ADAM2: variants seen among roughly 807,000 people sequenced by gnomAD.
ADAM2 encodes the protein disintegrin and metalloproteinase domain-containing protein 2.
Under a neutral mutation model 99.3 loss-of-function variants are expected in ADAM2, and 101 were observed. The ratio of observed to expected loss-of-function variants is 1.02; its 90% CI spans 0.87 to 1.20. The LOEUF (loss-of-function observed/expected upper bound fraction) is 1.20. Among genes scored for constraint, ADAM2 ranks in the 50% most tolerant of loss-of-function variants. The probability of loss-of-function intolerance (pLI) is 0.00; values close to 1 mark genes in which losing one functional copy is unlikely to be tolerated. For synonymous variants in ADAM2, 323 were observed against 287.6 expected (o/e 1.12, Z -1.25); for missense variants, 948 against 878.7 (o/e 1.08, Z -1.00).
intron 7 of ADAM2, among the ~76,000 whole-genome samples, chr8:39,800,824 A>G (rs187101693): frequency 6.6e-6 from 1 of 152,038 alleles, no homozygotes; most frequent in Non-Finnish European, 1.5e-5. Context: ...TCAGCTGTTG[A>G]TACTTGTGTA....
chr8:39,834,079 T>C (rs1479020978), intron 2 of ADAM2, 80 bp from the exon 3 acceptor site: 1 of 741,374 alleles, frequency 1.3e-6, no homozygotes, highest in Non-Finnish European at 2.3e-6. Flanking sequence ...ACATTAATGA[T>C]AATTGCATTC....
chr8:39,782,695 A>G (rs997694570), intron 10 of ADAM2, among the ~76,000 whole-genome samples: 2 of 152,116 alleles, frequency 1.3e-5, no homozygotes, highest in African/African-American at 4.8e-5. Flanking sequence ...TAATGTCTAT[A>G]TGATCTGTGG....
At chr8:39,837,541 C>T (rs1391460611) in intron 1 of ADAM2, among the ~76,000 whole-genome samples, 1 of 152,086 alleles carries the variant, frequency 6.6e-6, no homozygotes, top group Non-Finnish European at 1.5e-5. Context: ...CACGCACTAC[C>T]ACCCCCAGCT....
intron 10 of ADAM2, 40 bp from the exon 11 acceptor site, chr8:39,777,201 T>A (rs1005196229): frequency 1.3e-6 from 2 of 1,531,416 alleles, no homozygotes; most frequent in South Asian, 1.2e-5. Context: ...TGGGAGATTA[T>A]TTTGTTTACT....
At chr8:39,796,326 A>G (rs1803944074) in intron 7 of ADAM2, among the ~76,000 whole-genome samples, 1 of 152,172 alleles carries the variant, frequency 6.6e-6, no homozygotes, top group Non-Finnish European at 1.5e-5. Context: ...TTGGCTGAGG[A>G]TGATGGCTTC....
intron 7 of ADAM2, among the ~76,000 whole-genome samples, chr8:39,804,801 A>G (rs747012225): frequency 6.6e-5 from 10 of 152,180 alleles, no homozygotes; most frequent in African/African-American, 9.6e-5. Context: ...TTCTGAATGC[A>G]TGGTATTTTG....
At position 39,788,255 on chromosome 8, in the gene ADAM2, A is replaced by T. The variant is rs747472132; in HGVS notation, c.643-4T>A. The T allele has an allele frequency of 3.3e-6, 5 of 1,493,562 alleles. No individual in the cohort carries two copies. In the African/African-American group the frequency reaches 7.1e-5, roughly 21 times the overall value. The allele number at this position is 1,493,562 out of a possible 1,614,324, so 92.5% of individuals were successfully genotyped here. ...TAATATTAAATGAAACAAAAATCTAAAATAGAAAACATACAAAAGTGTGCT... is the reference window on the plus strand; with the variant it reads ...TAATATTAAATGAAACAAAAATCTATAATAGAAAACATACAAAAGTGTGCT... On this transcript the variant is annotated splice_polypyrimidine_tract_variant and splice_region_variant and intron_variant, in intron 8 of 20. Coordinates refer to ENST00000265708, the MANE Select transcript of ADAM2 (RefSeq NM_001464.5).
intron 18 of ADAM2, among the ~76,000 whole-genome samples, chr8:39,749,079 T>A (rs1482158983): frequency 6.6e-6 from 1 of 152,078 alleles, no homozygotes; most frequent in Non-Finnish European, 1.5e-5. Context: ...AAGACTAAAG[T>A]GATTTCTGTC....
intron 2 of ADAM2, among the ~76,000 whole-genome samples, chr8:39,834,629 G>C (rs987263261): frequency 6.6e-6 from 1 of 150,562 alleles, no homozygotes; most frequent in African/African-American, 2.4e-5. Context: ...AGATACTGGG[G>C]AGGCCGAGAC....
At chr8:39,820,273 T>C (rs901475628) in intron 6 of ADAM2, among the ~76,000 whole-genome samples, 3 of 152,188 alleles carry the variant, frequency 2.0e-5, no homozygotes, top group African/African-American at 7.2e-5. Flanking sequence ...AAAGCTTCTT[T>C]GTGTGTCTTG....
chr8:39,788,167 C>T lies in ADAM2; in HGVS notation c.727G>A (p.Ala243Thr), dbSNP rs138748616. Reference sequence around the variant, plus strand: ...AAAAATGTGTGTAATAACTCATTAGCTTCTCCAGTGGTTGCAATTTTATTT... The same window carrying T: ...AAAAATGTGTGTAATAACTCATTAGTTTCTCCAGTGGTTGCAATTTTATTT... The part of the protein sequence containing the change: ...DENKIATTGE[A>T]NELLHTFLRW... Residue 243 changes from alanine to threonine, a missense_variant, in exon 9 of 21, where the codon GCT becomes ACT. Physicochemically the swap from Ala to Thr is moderately conservative, Grantham distance 58 (BLOSUM62 0). Coordinates refer to ENST00000265708, the MANE Select transcript of ADAM2 (RefSeq NM_001464.5). 5 of 1,587,862 alleles carry T rather than the reference C, an allele frequency of 3.1e-6. No homozygotes were observed. The highest frequency in any genetic ancestry group is 4.3e-6 in the Non-Finnish European group (5 of 1,165,082).
In ADAM2 at chr8:39,809,370, GCAAATATTAAGGGACATAAATAAATCA is replaced by G; in HGVS notation, c.570+13_570+39del. On this transcript the variant is annotated intron_variant, in intron 7 of 20. Coordinates refer to ENST00000265708, the MANE Select transcript of ADAM2 (RefSeq NM_001464.5). ...CAAATTATTATTACAATCCCTCATT[GCAAATATTAAGGGACATAAATAAATCA>G]GAATATACTTACCAATTGTTTTTCA... 1 of 799,134 alleles carries G rather than the reference GCAAATATTAAGGGACATAAATAAATCA, an allele frequency of 1.3e-6. No individual in the cohort carries two copies. The highest frequency in any genetic ancestry group is 2.1e-6 in the Non-Finnish European group (1 of 481,566). The allele number at this position is 799,134 out of a possible 1,614,324, so 49.5% of individuals were successfully genotyped here.
At chr8:39,760,001 G>A (rs1802288102) in intron 15 of ADAM2, among the ~76,000 whole-genome samples, 1 of 152,042 alleles carries the variant, frequency 6.6e-6, no homozygotes, top group Admixed American at 6.6e-5. Context: ...CGAGTAGCTG[G>A]GATTACAGGC....
chr8:39,808,538 A>G (rs376992770), intron 7 of ADAM2, among the ~76,000 whole-genome samples: 1 of 152,212 alleles, frequency 6.6e-6, no homozygotes, highest in Non-Finnish European at 1.5e-5. Flanking sequence ...CTATCAAAAT[A>G]TAATCATCCT....
chr8:39,761,814 G>A (rs1182601173), intron 14 of ADAM2, among the ~76,000 whole-genome samples: 1 of 152,152 alleles, frequency 6.6e-6, no homozygotes, highest in Non-Finnish European at 1.5e-5. Flanking sequence ...GGGCGCGGTG[G>A]TTCATGCCTG....
chr8:39,784,297 T>A (rs1803364201), intron 10 of ADAM2, among the ~76,000 whole-genome samples: 1 of 152,192 alleles, frequency 6.6e-6, no homozygotes, highest in Non-Finnish European at 1.5e-5. Context: ...AAAGAGACCA[T>A]TTTTCTCTGC....
chr8:39,764,646 G>A (rs138082911), intron 14 of ADAM2, among the ~76,000 whole-genome samples: 3 of 152,284 alleles, frequency 2.0e-5, no homozygotes, highest in Non-Finnish European at 4.4e-5. Flanking sequence ...TTGGAAGCTG[G>A]TGCTATTAGT....
chr8:39,821,667 A>G lies in ADAM2; in HGVS notation c.268-5T>C. 1 of 1,575,426 alleles carries G rather than the reference A, an allele frequency of 6.3e-7. No individual in the cohort carries two copies. ...CCCTTGGTAGTGGCAGAAATTCTGAAAGATAAAATACACATATCTCCATTA... is the reference window on the plus strand; with the variant it reads ...CCCTTGGTAGTGGCAGAAATTCTGAGAGATAAAATACACATATCTCCATTA... On this transcript the variant is annotated splice_region_variant and splice_polypyrimidine_tract_variant and intron_variant, in intron 4 of 20. Coordinates refer to ENST00000265708, the MANE Select transcript of ADAM2 (RefSeq NM_001464.5).
At chr8:39,777,855 C>A (rs1293741494) in intron 10 of ADAM2, among the ~76,000 whole-genome samples, 3 of 151,374 alleles carry the variant, frequency 2.0e-5, no homozygotes, top group African/African-American at 7.3e-5. Context: ...ATTGATTCCT[C>A]AATGATAATA....
Sources: gnomAD v4.1 joint callset for allele counts (sites outside exome capture counted in the v4.1 genomes callset) on GRCh38, gnomAD v4.1.1 for gene constraint, MANE v1.5 for transcripts, NCBI Gene and HGNC (gene_info 2026-07-23, HGNC 2026-07-21) for gene names.